RXRG: variants seen among roughly 807,000 people sequenced by gnomAD.
RXRG encodes the protein retinoic acid receptor RXR-gamma.
A neutral mutation model predicts 49.2 loss-of-function variants in RXRG; 19 were observed. That is an observed-to-expected ratio of 0.39 (90% CI 0.27 to 0.57). The LOEUF (loss-of-function observed/expected upper bound fraction) is 0.57, where lower values mean the gene tolerates loss of function less well. Among genes scored for constraint, RXRG ranks in the 20% least tolerant of loss-of-function variants. RXRG has a pLI of 0.64. For missense variants in RXRG, 452 were observed against 592.5 expected, an observed-to-expected ratio of 0.76 and a Z score of 2.46; for synonymous variants, 224 against 216.6, an observed-to-expected ratio of 1.03 and a Z score of -0.30.
At chr1:165,431,122 T>C (rs1440657173) in intron 1 of RXRG, among the ~76,000 whole-genome samples, 1 of 152,248 alleles carries the variant, frequency 6.6e-6, no homozygotes, top group Non-Finnish European at 1.5e-5. Context: ...TCAGATTACC[T>C]GGCACTGCCC....
chr1:165,434,800 G>C (rs1378878918), intron 1 of RXRG, among the ~76,000 whole-genome samples: 2 of 152,168 alleles, frequency 1.3e-5, no homozygotes, highest in Non-Finnish European at 2.9e-5. Context: ...CAGACACCTG[G>C]CTTGTTTTTC....
intron 9 of RXRG, among the ~76,000 whole-genome samples, chr1:165,405,392 G>T (rs1212011029): frequency 6.6e-6 from 1 of 152,192 alleles, no homozygotes; most frequent in East Asian, 1.9e-4. Context: ...GAACTACCAG[G>T]TTCACCAAAA....
Position 165,421,529 on chromosome 1 carries a change from CTT to C in RXRG, c.298-1517_298-1516del, listed in dbSNP as rs34676879. Reference sequence around the variant, plus strand: ...AGGTAGGGCCTTGGCTCTGGCATTTCTTTTTTTTTTTTTTTTCCTTTTTTTGA... The same window carrying C: ...AGGTAGGGCCTTGGCTCTGGCATTTCTTTTTTTTTTTTTTCCTTTTTTTGA... On this transcript the variant is annotated intron_variant, in intron 2 of 9. Transcript: ENST00000359842. Among the ~76,000 whole-genome samples, 878 of 131,298 alleles carry C rather than the reference CTT, an allele frequency of 6.7e-3. 3 individuals are homozygous for C. Among genetic ancestry groups the C allele is most frequent in the South Asian group, 0.016 (65 of 4,112 alleles). The allele number at this position is 131,298 out of a possible 152,430, so 86.1% of individuals were successfully genotyped here.
chr1:165,414,094 C>T lies in RXRG; in HGVS notation c.622+2947G>A, dbSNP rs558384099. Among the ~76,000 whole-genome samples the T allele has an allele frequency of 9.2e-5, 14 of 152,280 alleles. No homozygotes were observed. The East Asian group carries it at 2.5e-3, about 27-fold the overall frequency. On this transcript the variant is annotated intron_variant, in intron 4 of 9. Transcript: ENST00000359842. ...GGCGGTGGACAGGCTATCCAGTAGC[C>T]TTTTGAAATGCGCCCCCTTATATAG...
intron 4 of RXRG, among the ~76,000 whole-genome samples, chr1:165,413,443 G>A (rs193228078): frequency 2.0e-5 from 3 of 151,874 alleles, no homozygotes; most frequent in Non-Finnish European, 2.9e-5. Context: ...GACATACTAC[G>A]AGCCACAGAG....
intron 9 of RXRG, 72 bp from the exon 10 acceptor site, chr1:165,401,482 G>A (rs1035497945): frequency 6.4e-7 from 1 of 1,571,668 alleles, no homozygotes; most frequent in Non-Finnish European, 8.7e-7. Flanking sequence ...CTGGCAGGAG[G>A]CCGTCCAATT....
In RXRG at chr1:165,401,069, C is replaced by T. The variant is rs1571258923; in HGVS notation, c.*194G>A. On this transcript the variant is annotated 3_prime_UTR_variant, in exon 10 of 10. Transcript: ENST00000359842. ...TCTCCCAGCCCTGTAGACAGCAAAG[C>T]GTATTACCTTTAACATCTATACAAA... 3.5e-6 allele frequency: 2 copies of T among 565,768 alleles called. No individual in the cohort carries two copies. The highest frequency in any genetic ancestry group is 6.2e-6 in the Non-Finnish European group (2 of 324,484). 35.0% of individuals were successfully genotyped at this position (565,768 alleles called of 1,614,324 possible).
At chr1:165,408,124 C>T (rs964698046) in intron 8 of RXRG, 103 bp downstream of exon 8, 12 of 875,458 alleles carry the variant, frequency 1.4e-5, no homozygotes, top group Non-Finnish European at 2.1e-5. Context: ...GCTCTGCCAT[C>T]TGTGTCTCAG....
At chr1:165,417,815 T>G (rs1185316918) in intron 3 of RXRG, among the ~76,000 whole-genome samples, 2 of 152,106 alleles carry the variant, frequency 1.3e-5, no homozygotes, top group Non-Finnish European at 2.9e-5. Flanking sequence ...TAGAAGCTGA[T>G]TTTGCAGCCG....
In RXRG at chr1:165,419,984, C is replaced by T. The variant is rs1311764560; in HGVS notation, c.328G>A (p.Glu110Lys). The change falls in exon 3 of 10, where the codon GAG (glutamate) becomes AAG (lysine). Residue 110 changes from glutamate to lysine, a missense_variant. Coordinates refer to ENST00000359842, the MANE Select transcript of RXRG (RefSeq NM_006917.5). ...LNVVNSVSSSEDIKPLPGLPG... is the reference protein window; with the variant it reads ...LNVVNSVSSSKDIKPLPGLPG... ...AGCCCTGGTAAGGGCTTGATGTCCTCTGAACTGCTGACACTGTTGACCACA... is the reference window on the plus strand; with the variant it reads ...AGCCCTGGTAAGGGCTTGATGTCCTTTGAACTGCTGACACTGTTGACCACA... 6.2e-7 allele frequency: 1 copy of T among 1,610,474 alleles called. No homozygotes were observed. The highest frequency in any genetic ancestry group is 1.3e-5 in the African/African-American group (1 of 74,748).
intron 1 of RXRG, among the ~76,000 whole-genome samples, chr1:165,443,102 G>T (rs1440404720): frequency 6.6e-6 from 1 of 152,142 alleles, no homozygotes. Flanking sequence ...AGGTCCTTAG[G>T]ATGCTAACAT....
intron 1 of RXRG, among the ~76,000 whole-genome samples, chr1:165,435,776 C>G (rs1249157796): frequency 6.6e-6 from 1 of 152,154 alleles, no homozygotes; most frequent in East Asian, 1.9e-4. Context: ...CCAGGTGGAC[C>G]TCAATTTATT....
In RXRG at chr1:165,444,911, T is replaced by A. The variant is rs1194251318; in HGVS notation, c.-18A>T. The A allele has an allele frequency of 1.9e-6, 3 of 1,613,342 alleles. No homozygotes were observed. The highest frequency in any genetic ancestry group is 2.5e-6 in the Non-Finnish European group (3 of 1,179,390). On this transcript the variant is annotated 5_prime_UTR_variant, in exon 1 of 10. It removes an upstream start codon present in the reference 5' UTR. Coordinates refer to ENST00000359842, the MANE Select transcript of RXRG (RefSeq NM_006917.5). The stretch of plus-strand genomic sequence containing the variant: ...CCATACATGTTTACTCGTCAGTTCA[T>A]GTTCCTCTCCTGTGCAGCTTCTAAA...
intron 1 of RXRG, among the ~76,000 whole-genome samples, chr1:165,430,756 A>G (rs1393944927): frequency 1.3e-5 from 2 of 152,266 alleles, no homozygotes; most frequent in African/African-American, 4.8e-5. Flanking sequence ...GGCAGTTTCC[A>G]TAACTCTTTA....
chr1:165,441,739 C>T (rs536976597), intron 1 of RXRG, among the ~76,000 whole-genome samples: 35 of 152,298 alleles, frequency 2.3e-4, no homozygotes, highest in African/African-American at 7.7e-4. Context: ...GGGGGGATTA[C>T]AGGCTTTGTT....
chr1:165,431,096 T>C (rs1413785967), intron 1 of RXRG, among the ~76,000 whole-genome samples: 2 of 152,244 alleles, frequency 1.3e-5, no homozygotes, highest in Non-Finnish European at 2.9e-5. Context: ...TGTCCAGTTT[T>C]GTTTCTCCAT....
chr1:165,416,365 T>C (rs1263739738), intron 4 of RXRG, among the ~76,000 whole-genome samples: 1 of 152,116 alleles, frequency 6.6e-6, no homozygotes, highest in Non-Finnish European at 1.5e-5. Flanking sequence ...GGTTTTTTTC[T>C]CTCATACTAG....
chr1:165,420,373 T>C (rs1658272490), intron 2 of RXRG, among the ~76,000 whole-genome samples: 1 of 152,198 alleles, frequency 6.6e-6, no homozygotes, highest in Non-Finnish European at 1.5e-5. Flanking sequence ...TTATCAACTA[T>C]TGACTGCCTA....
At chr1:165,409,528 A>G in intron 7 of RXRG, 30 bp downstream of exon 7, 1 of 1,438,158 alleles carries the variant, frequency 7.0e-7, no homozygotes, top group Non-Finnish European at 9.1e-7. Flanking sequence ...CACATAATAC[A>G]CACAAATACT....
Sources: gnomAD v4.1 joint callset for allele counts (sites outside exome capture counted in the v4.1 genomes callset) on GRCh38, gnomAD v4.1.1 for gene constraint, MANE v1.5 for transcripts, NCBI Gene and HGNC (gene_info 2026-07-23, HGNC 2026-07-21) for gene names.